The following AKAP12 variants were observed in gnomAD, a reference collection of about 807,000 sequenced individuals.
AKAP12 encodes the protein A-kinase anchoring protein 12.
A neutral mutation model predicts 79.9 loss-of-function variants in AKAP12; 32 were observed. The observed-to-expected ratio is 0.40, with a 90% CI of 0.30 to 0.54. AKAP12 has a LOEUF of 0.54. Ranked by LOEUF, AKAP12 falls within the 20% of genes least tolerant of loss-of-function variation. The pLI, the probability that AKAP12 is intolerant of heterozygous loss-of-function variation, is 0.48. For synonymous variants in AKAP12, 808 were observed against 857.0 expected, an observed-to-expected ratio of 0.94 and a Z score of 1.00; for missense variants, 2,074 against 2,177.0, an observed-to-expected ratio of 0.95 and a Z score of 0.94.
intron 3 of AKAP12, among the ~76,000 whole-genome samples, chr6:151,323,178 G>A (rs930196190): frequency 3.3e-5 from 5 of 152,216 alleles, no homozygotes; most frequent in Non-Finnish European, 7.3e-5. Context: ...GAGATCAAAG[G>A]AGACCCATTG....
At chr6:151,275,704 T>G (rs191375039) in intron 2 of AKAP12, among the ~76,000 whole-genome samples, 1 of 152,250 alleles carries the variant, frequency 6.6e-6, no homozygotes, top group East Asian at 1.9e-4. Context: ...AGGAGTAAGG[T>G]TTTTTGGGAT....
intron 3 of AKAP12, among the ~76,000 whole-genome samples, chr6:151,340,345 T>C (rs1339515970): frequency 1.3e-5 from 2 of 152,066 alleles, no homozygotes; most frequent in Admixed American, 1.3e-4. Flanking sequence ...TTGGCAATTA[T>C]GCATAAAGTT....
intron 2 of AKAP12, among the ~76,000 whole-genome samples, chr6:151,285,462 A>C (rs1481594999): frequency 2.0e-5 from 3 of 150,756 alleles, no homozygotes; most frequent in Non-Finnish European, 4.4e-5. Flanking sequence ...TATAATTCTT[A>C]ATGGAGAGTT....
At chr6:151,285,914 A>C (rs1161168299) in intron 2 of AKAP12, among the ~76,000 whole-genome samples, 1 of 144,868 alleles carries the variant, frequency 6.9e-6, no homozygotes, top group Non-Finnish European at 1.5e-5. Flanking sequence ...TTTTGCGCTT[A>C]TCACCCAGGC....
chr6:151,328,928 A>G (rs560557720), intron 3 of AKAP12, among the ~76,000 whole-genome samples: 2 of 152,242 alleles, frequency 1.3e-5, no homozygotes, highest in South Asian at 4.2e-4. Context: ...TACACAAACC[A>G]CTAAAATGAA....
At chr6:151,347,327 T>C (rs766070978) in intron 3 of AKAP12, among the ~76,000 whole-genome samples, 1 of 152,262 alleles carries the variant, frequency 6.6e-6, no homozygotes, top group Non-Finnish European at 1.5e-5. Flanking sequence ...CCACATAGAA[T>C]GTCCCCTTCT....
chr6:151,259,511 T>TAC (rs373506742), intron 2 of AKAP12, among the ~76,000 whole-genome samples: 11,110 of 100,978 alleles, frequency 0.11, 568 homozygotes, highest in Middle Eastern at 0.17. Context: ...TATATATATA[T>TAC]ACACACACAC....
intron 3 of AKAP12, chr6:151,325,842 CAGT>C (rs756288909): frequency 6.2e-7 from 1 of 1,614,102 alleles, no homozygotes; most frequent in Non-Finnish European, 8.5e-7. Context: ...ATCTCCTGTA[CAGT>C]AGTGCTACTT....
intron 3 of AKAP12, among the ~76,000 whole-genome samples, chr6:151,332,478 AC>A (rs1486913523): frequency 6.6e-6 from 1 of 152,194 alleles, no homozygotes; most frequent in Non-Finnish European, 1.5e-5. Context: ...CAGCATATTG[AC>A]CCTGTCTCAC....
chr6:151,250,749 G>C (rs1283168138), intron 2 of AKAP12, among the ~76,000 whole-genome samples: 2 of 151,522 alleles, frequency 1.3e-5, no homozygotes, highest in African/African-American at 4.8e-5. Context: ...GGGACTACAG[G>C]CGCCCGCCAC....
chr6:151,311,848 G>A (rs1337167326), intron 3 of AKAP12, among the ~76,000 whole-genome samples: 1 of 152,138 alleles, frequency 6.6e-6, no homozygotes, highest in African/African-American at 2.4e-5. Flanking sequence ...AATCCATTCT[G>A]AGTTAAAAGT....
chr6:151,261,733 TTTTATTTATTTATTTA>T (rs59211098), intron 2 of AKAP12, among the ~76,000 whole-genome samples: 145 of 144,018 alleles, frequency 1.0e-3, no homozygotes, highest in African/African-American at 1.6e-3. Context: ...GTTTTTATTA[TTTTATTTATTTATTTA>T]TTTATTTATT....
chr6:151,271,157 A>G (rs1776172095), intron 2 of AKAP12, among the ~76,000 whole-genome samples: 1 of 152,052 alleles, frequency 6.6e-6, no homozygotes, highest in Non-Finnish European at 1.5e-5. Flanking sequence ...TCTTTTTGCC[A>G]TCTTTGCTTT....
chr6:151,247,882 C>T (rs1028369906), intron 2 of AKAP12, among the ~76,000 whole-genome samples: 11 of 152,156 alleles, frequency 7.2e-5, no homozygotes, highest in African/African-American at 2.2e-4. Context: ...TTAGGCACCT[C>T]TTAATACAAG....
At chr6:151,267,987 C>G (rs1005582256) in intron 2 of AKAP12, among the ~76,000 whole-genome samples, 72 of 152,318 alleles carry the variant, frequency 4.7e-4, no homozygotes, top group African/African-American at 1.3e-3. Context: ...GCCCTGACTC[C>G]TATGCATGCT....
At chr6:151,275,649 G>A (rs1776277900) in intron 2 of AKAP12, among the ~76,000 whole-genome samples, 3 of 152,114 alleles carry the variant, frequency 2.0e-5, no homozygotes, top group Admixed American at 2.0e-4. Context: ...TTAGGAATTT[G>A]GATGTTAAAA....
At chr6:151,289,972 A>T (rs536254651) in intron 2 of AKAP12, among the ~76,000 whole-genome samples, 2 of 152,184 alleles carry the variant, frequency 1.3e-5, no homozygotes, top group South Asian at 4.2e-4. Flanking sequence ...TATGGCTGGC[A>T]TTTTGCTTTT....
At position 151,259,507 on chromosome 6, in the gene AKAP12, T is replaced by TACACACACAC. The variant is rs762556792; in HGVS notation, c.162+18784_162+18785insCACACACACA. Among the ~76,000 whole-genome samples the TACACACACAC allele has an allele frequency of 6.6e-3, 813 of 122,438 alleles. 15 individuals are homozygous for TACACACACAC. The highest frequency in any genetic ancestry group is 0.026 in the African/African-American group (762 of 29,170). 80.3% of individuals were successfully genotyped at this position (122,438 alleles called of 152,430 possible). ...ATACACACACATATACATGTATATA[T>TACACACACAC]ATATACACACACACACACACACACA... On this transcript the variant is annotated intron_variant, in intron 2 of 4. Transcript: ENST00000402676.
chr6:151,244,515 C>T (rs1416000982), intron 2 of AKAP12, among the ~76,000 whole-genome samples: 1 of 147,104 alleles, frequency 6.8e-6, no homozygotes, highest in African/African-American at 2.5e-5. Context: ...CAGAGCGAGA[C>T]TCTGTCTCAA....
Sources: allele counts gnomAD v4.1 joint callset (sites outside exome capture counted in the v4.1 genomes callset), GRCh38; gene constraint gnomAD v4.1.1; transcripts MANE v1.5; gene names NCBI Gene and HGNC (gene_info 2026-07-23, HGNC 2026-07-21).